The following CLIC5 variants were observed in gnomAD, a reference collection of about 807,000 sequenced individuals.
CLIC5 encodes the protein chloride intracellular channel protein 5.
A neutral mutation model predicts 24.7 loss-of-function variants in CLIC5; 20 were observed. That is an observed-to-expected ratio of 0.81 (90% confidence interval 0.57 to 1.18). The LOEUF (loss-of-function observed/expected upper bound fraction) is 1.18, where lower values mean the gene tolerates loss of function less well. Ranked by LOEUF, CLIC5 falls within the 50% of genes most tolerant of loss-of-function variation. CLIC5 has a pLI of 0.00. For synonymous variants in CLIC5, 159 were observed against 135.6 expected, an observed-to-expected ratio of 1.17 and a Z score of -1.20; for missense variants, 341 against 326.1, an observed-to-expected ratio of 1.05 and a Z score of -0.35.
At chr6:46,093,024 A>C in the CLIC5 span, among the ~76,000 whole-genome samples, 2 of 152,116 alleles carry the variant, frequency 1.3e-5, no homozygotes, top group Non-Finnish European at 2.9e-5. Context: ...CCTGCCTTTT[A>C]TCAGACTAAG....
At chr6:45,925,422 TTCTTCTGCC>T (rs1763443751) in intron 4 of CLIC5, among the ~76,000 whole-genome samples, 1 of 151,216 alleles carries the variant, frequency 6.6e-6, no homozygotes, top group African/African-American at 2.4e-5. Flanking sequence ...GCTCAAGCAA[TTCTTCTGCC>T]TCAGCCTCCC....
chr6:46,030,492 A>G (rs144959598), intron 1 of CLIC5, among the ~76,000 whole-genome samples: 1 of 152,240 alleles, frequency 6.6e-6, no homozygotes, highest in Non-Finnish European at 1.5e-5. Flanking sequence ...TAGCCAGGAC[A>G]TGCCATCTAC....
At chr6:46,063,204 T>C (rs1762342191) in intron 1 of CLIC5, among the ~76,000 whole-genome samples, 1 of 152,204 alleles carries the variant, frequency 6.6e-6, no homozygotes, top group Non-Finnish European at 1.5e-5. Context: ...ACTTTATGAC[T>C]ACATGCCAAA....
chr6:45,887,603 A>T (rs1762316542), intron 6 of CLIC5, among the ~76,000 whole-genome samples: 2 of 152,212 alleles, frequency 1.3e-5, no homozygotes, highest in South Asian at 2.1e-4. Flanking sequence ...TATAAGGTGG[A>T]TATATGAAAA....
chr6:45,951,621 G>A (rs1006532831), intron 2 of CLIC5, among the ~76,000 whole-genome samples: 1 of 152,180 alleles, frequency 6.6e-6, no homozygotes, highest in African/African-American at 2.4e-5. Context: ...AATGGGAAAG[G>A]GGAGGGTTAC....
At chr6:45,974,495 G>GTA (rs1456137513) in intron 1 of CLIC5, among the ~76,000 whole-genome samples, 8 of 76,554 alleles carry the variant, frequency 1.0e-4, no homozygotes, top group African/African-American at 3.9e-4. Flanking sequence ...GTGTGTGTGT[G>GTA]TGTATATATA....
At chr6:46,059,426 G>A (rs1246073711) in intron 1 of CLIC5, among the ~76,000 whole-genome samples, 1 of 152,214 alleles carries the variant, frequency 6.6e-6, no homozygotes, top group African/African-American at 2.4e-5. Context: ...TATTGTTGCT[G>A]TAGGCAGAGC....
intron 1 of CLIC5, among the ~76,000 whole-genome samples, chr6:45,984,545 G>A (rs1238303045): frequency 2.6e-5 from 4 of 152,168 alleles, no homozygotes; most frequent in Admixed American, 2.6e-4. Flanking sequence ...TGAGGTTCTA[G>A]GTAATGTAGT....
intron 1 of CLIC5, among the ~76,000 whole-genome samples, chr6:46,010,260 C>T (rs969534986): frequency 6.6e-6 from 1 of 152,176 alleles, no homozygotes; most frequent in Non-Finnish European, 1.5e-5. Flanking sequence ...ACTTATTGGG[C>T]TACATGGAGC....
chr6:46,026,229 C>A (rs1581877278), intron 1 of CLIC5, among the ~76,000 whole-genome samples: 1 of 152,140 alleles, frequency 6.6e-6, no homozygotes, highest in Non-Finnish European at 1.5e-5. Flanking sequence ...TAAGAAGAAT[C>A]TATCCTAAAG....
intron 1 of CLIC5, among the ~76,000 whole-genome samples, chr6:46,051,466 G>A (rs1197719034): frequency 6.6e-6 from 1 of 152,230 alleles, no homozygotes. Flanking sequence ...CACTTGTAAA[G>A]TGAGGATAAA....
the CLIC5 span, among the ~76,000 whole-genome samples, chr6:46,129,001 T>C: frequency 2.0e-5 from 3 of 152,248 alleles, no homozygotes; most frequent in South Asian, 6.2e-4. Context: ...TAAGGTCCAG[T>C]ACTGCAGTTT....
chr6:45,937,331 C>T (rs1362812584), intron 4 of CLIC5: 2 of 152,216 alleles, frequency 1.3e-5, no homozygotes, highest in African/African-American at 2.4e-5. Context: ...AGACACTGCG[C>T]TAAGGGTTTT....
At chr6:45,988,045 C>A (rs778661140) in intron 1 of CLIC5, among the ~76,000 whole-genome samples, 1 of 152,144 alleles carries the variant, frequency 6.6e-6, no homozygotes, top group Non-Finnish European at 1.5e-5. Context: ...AGTCCAAAGT[C>A]CCATCTAAAT....
intron 2 of CLIC5, 93 bp from the exon 3 acceptor site, chr6:45,949,474 C>T (rs1401277403): frequency 1.5e-6 from 2 of 1,375,598 alleles, no homozygotes; most frequent in Non-Finnish European, 2.0e-6. Flanking sequence ...ATGCCCTGTG[C>T]TATCCAACAT....
chr6:46,117,407 G>A, the CLIC5 span, among the ~76,000 whole-genome samples: 1 of 152,156 alleles, frequency 6.6e-6, no homozygotes, highest in East Asian at 1.9e-4. Flanking sequence ...AATTCAGCAG[G>A]TTTGGGAAAC....
rs975004852 is a variant in CLIC5, at chr6:45,898,483, T to C, written c.*4605A>G. The C allele has an allele frequency of 6.6e-6, 1 of 152,634 alleles. No individual in the cohort carries two copies. The highest frequency in any genetic ancestry group is 2.4e-5 in the African/African-American group (1 of 41,444). The allele number at this position is 152,634 out of a possible 1,614,324, so 9.5% of individuals were successfully genotyped here. A position where few individuals can be genotyped will look rare whatever the true frequency, so the allele number is the denominator to read the frequency against. Reference sequence around the variant, plus strand: ...ATATTTGAAAATAAACCAACTTTATTTGAATCAGTCAATACCAATCAAGAC... The same window carrying C: ...ATATTTGAAAATAAACCAACTTTATCTGAATCAGTCAATACCAATCAAGAC... On this transcript the variant is annotated 3_prime_UTR_variant, in exon 6 of 6. Coordinates refer to ENST00000339561, the MANE Select transcript of CLIC5 (RefSeq NM_016929.5).
In CLIC5 at chr6:45,902,930, T is replaced by G. The variant is rs1762547464; in HGVS notation, c.*158A>C. 9.4e-6 allele frequency: 7 copies of G among 748,392 alleles called. No homozygotes were observed. The South Asian group carries it at 1.2e-4, about 13-fold the overall frequency. The allele number at this position is 748,392 out of a possible 1,614,324, so 46.4% of individuals were successfully genotyped here. ...AGGCCAGGGATGGTGCTGACCTTCA[T>G]GAAAGATAGCAGGCTGGAGTTCCCA... On this transcript the variant is annotated 3_prime_UTR_variant, in exon 6 of 6. Transcript: ENST00000339561.
chr6:46,059,880 T>G (rs1212530328), intron 1 of CLIC5, among the ~76,000 whole-genome samples: 1 of 152,204 alleles, frequency 6.6e-6, no homozygotes, highest in Non-Finnish European at 1.5e-5. Flanking sequence ...GCTCAATAAA[T>G]GTTTGGTCAG....
Sources: gnomAD v4.1 joint callset for allele counts (sites outside exome capture counted in the v4.1 genomes callset) on GRCh38, gnomAD v4.1.1 for gene constraint, MANE v1.5 for transcripts, NCBI Gene and HGNC (gene_info 2026-07-23, HGNC 2026-07-21) for gene names.